Variants in SGCG observed in about 807,000 individuals in gnomAD.
SGCG encodes sarcoglycan gamma, also known as gamma-sarcoglycan.
Under a neutral mutation model 29.3 loss-of-function variants are expected in SGCG, and 26 were observed. The observed-to-expected ratio is 0.89, with a 90% confidence interval of 0.65 to 1.23. The LOEUF is 1.23. Ranked by LOEUF, SGCG falls within the 50% of genes most tolerant of loss-of-function variation. SGCG has a pLI of 0.00. For missense variants in SGCG, 353 were observed against 356.0 expected, an observed-to-expected ratio of 0.99 and a Z score of 0.07; for synonymous variants, 145 against 129.7, an observed-to-expected ratio of 1.12 and a Z score of -0.80.
At chr13:23,270,177 T>C (rs1880817417) in intron 4 of SGCG, among the ~76,000 whole-genome samples, 1 of 152,174 alleles carries the variant, frequency 6.6e-6, no homozygotes, top group Non-Finnish European at 1.5e-5. Context: ...CCGGCTGTAT[T>C]TTGTTTTCTT....
chr13:23,171,638 G>A, the SGCG span, among the ~76,000 whole-genome samples: 1 of 152,124 alleles, frequency 6.6e-6, no homozygotes, highest in African/African-American at 2.4e-5. Context: ...TCCATAGATG[G>A]AGGACATAGG....
intron 6 of SGCG, among the ~76,000 whole-genome samples, chr13:23,308,595 C>G (rs1487532540): frequency 2.0e-5 from 3 of 151,752 alleles, no homozygotes; most frequent in Non-Finnish European, 4.4e-5. Context: ...GACAGAGTCT[C>G]ACTCTGTCAT....
chr13:23,233,135 T>C lies in SGCG; in HGVS notation c.196-1476T>C, dbSNP rs144732112. ...ACACCCATGTTCATAGCAGCAGCAT[T>C]TACAATGCCCAAAATGTGGAAGCAA... On this transcript the variant is annotated intron_variant, in intron 2 of 7. Transcript: ENST00000218867. Among the ~76,000 whole-genome samples, 923 of 152,250 alleles carry C rather than the reference T, an allele frequency of 6.1e-3. 6 individuals carry two copies. Among genetic ancestry groups the C allele is most frequent in the African/African-American group, 0.021 (882 of 41,554 alleles).
chr13:23,170,350 G>C, the SGCG span, among the ~76,000 whole-genome samples: 1 of 152,166 alleles, frequency 6.6e-6, no homozygotes, highest in African/African-American at 2.4e-5. Flanking sequence ...CATTAGCTTA[G>C]TGAGGGTAGT....
chr13:23,324,287 GA>G, intron 7 of SGCG, 80 bp from the exon 8 acceptor site: 1 of 1,361,034 alleles, frequency 7.3e-7, no homozygotes. Flanking sequence ...AAACTAATTG[GA>G]AATCTTGTGA....
In SGCG at chr13:23,252,690, C is replaced by CA. The variant is rs779108062; in HGVS notation, c.385+1981dup. ...TGGGCGACAGAGTGAGACTGTGTCTCAAAAAAAACAAAACAAAACAAACAA... is the reference window on the plus strand; with the variant it reads ...TGGGCGACAGAGTGAGACTGTGTCTCAAAAAAAAACAAAACAAAACAAACAA... On this transcript the variant is annotated intron_variant, in intron 4 of 7. Coordinates refer to ENST00000218867, the MANE Select transcript of SGCG (RefSeq NM_000231.3). Among the ~76,000 whole-genome samples the CA allele has an allele frequency of 1.7e-3, 246 of 148,046 alleles. 2 individuals are homozygous for CA. Among genetic ancestry groups the CA allele is most frequent in the African/African-American group, 5.8e-3 (231 of 39,582 alleles).
intron 5 of SGCG, among the ~76,000 whole-genome samples, chr13:23,292,806 A>G (rs1881766535): frequency 6.6e-6 from 1 of 152,230 alleles, no homozygotes; most frequent in Admixed American, 6.5e-5. Context: ...ACAAAGCATT[A>G]CTTGGGTTTC....
chr13:23,198,277 C>T (rs983782392), intron 1 of SGCG, among the ~76,000 whole-genome samples: 2 of 152,178 alleles, frequency 1.3e-5, no homozygotes, highest in African/African-American at 2.4e-5. Flanking sequence ...CCAAACTAGG[C>T]ATGACAATAA....
intron 6 of SGCG, among the ~76,000 whole-genome samples, chr13:23,314,141 GTATC>G (rs1048593240): frequency 4.9e-5 from 7 of 143,490 alleles, no homozygotes; most frequent in Non-Finnish European, 9.3e-5. Context: ...ATCTATATCT[GTATC>G]TATATAGCTA....
intron 2 of SGCG, among the ~76,000 whole-genome samples, chr13:23,211,252 T>G (rs773072659): frequency 1.3e-5 from 2 of 152,134 alleles, no homozygotes; most frequent in Non-Finnish European, 2.9e-5. Context: ...CGTGGGTAAG[T>G]AGATCCCTGG....
chr13:23,284,840 A>C (rs372377250), intron 5 of SGCG, among the ~76,000 whole-genome samples: 33 of 152,110 alleles, frequency 2.2e-4, no homozygotes, highest in African/African-American at 7.5e-4. Context: ...TCTGTTTGTT[A>C]GTTTTCCTTC....
chr13:23,254,824 C>T (rs1334169853), intron 4 of SGCG, among the ~76,000 whole-genome samples: 1 of 152,194 alleles, frequency 6.6e-6, no homozygotes, highest in African/African-American at 2.4e-5. Context: ...CTCAAAGGGC[C>T]CCAGATACTA....
Position 23,297,689 on chromosome 13 carries a change from C to T in SGCG, c.578+2202C>T, listed in dbSNP as rs969253480. Among the ~76,000 whole-genome samples, 3 of 152,176 alleles carry T rather than the reference C, an allele frequency of 2.0e-5. No individual in the cohort carries two copies. The East Asian group carries it at 5.8e-4, about 29-fold the overall frequency. The stretch of plus-strand genomic sequence containing the variant: ...CTTCCAGCGTGGGCGTTATGGCCAT[C>T]ATGAACATGTCACAGTGTTGCAGAG... On this transcript the variant is annotated intron_variant, in intron 6 of 7. Transcript: ENST00000218867.
intron 6 of SGCG, among the ~76,000 whole-genome samples, chr13:23,299,301 T>G (rs1352397266): frequency 6.8e-6 from 1 of 147,442 alleles, no homozygotes; most frequent in Non-Finnish European, 1.5e-5. Context: ...CTTCTTCTTC[T>G]GCAACTTCTT....
intron 4 of SGCG, among the ~76,000 whole-genome samples, chr13:23,276,953 T>C (rs953001660): frequency 1.9e-4 from 29 of 152,230 alleles, no homozygotes; most frequent in African/African-American, 7.0e-4. Context: ...ATTTGCACAT[T>C]GTCAATGCTT....
At chr13:23,198,654 G>A (rs1345415008) in intron 1 of SGCG, among the ~76,000 whole-genome samples, 3 of 152,064 alleles carry the variant, frequency 2.0e-5, no homozygotes, top group African/African-American at 4.8e-5. Flanking sequence ...AGAGCATCCT[G>A]GCTAACATGG....
At chr13:23,203,612 A>G (rs1877855376) in intron 1 of SGCG, 83 bp from the exon 2 acceptor site, 12 of 930,290 alleles carry the variant, frequency 1.3e-5, no homozygotes, top group Admixed American at 2.0e-5. Context: ...TCAGGCTCAT[A>G]GTAAATCAGT....
chr13:23,247,373 G>A (rs1036218900), intron 3 of SGCG, among the ~76,000 whole-genome samples: 6 of 152,290 alleles, frequency 3.9e-5, no homozygotes, highest in Non-Finnish European at 8.8e-5. Context: ...GGCTGGTAGG[G>A]TGGGGTACAA....
chr13:23,225,454 C>T (rs1371301180), intron 2 of SGCG, among the ~76,000 whole-genome samples: 1 of 152,182 alleles, frequency 6.6e-6, no homozygotes, highest in Non-Finnish European at 1.5e-5. Flanking sequence ...TGCACATCCA[C>T]TTGGACTCAT....
Sources: gnomAD v4.1 joint callset for allele counts (sites outside exome capture counted in the v4.1 genomes callset) on GRCh38, gnomAD v4.1.1 for gene constraint, MANE v1.5 for transcripts, NCBI Gene and HGNC (gene_info 2026-07-23, HGNC 2026-07-21) for gene names.